SMOC1: variants seen among roughly 807,000 people sequenced by gnomAD.
SMOC1 encodes SPARC-related modular calcium-binding protein 1.
A neutral mutation model predicts 56.3 loss-of-function variants in SMOC1; 22 were observed. The ratio of observed to expected loss-of-function variants is 0.39; its 90% CI spans 0.28 to 0.56. The LOEUF is 0.56. Among genes scored for constraint, SMOC1 ranks in the 20% least tolerant of loss-of-function variants. The pLI is 0.61. For missense variants in SMOC1, 509 were observed against 565.4 expected, an observed-to-expected ratio of 0.90 and a Z score of 1.01; for synonymous variants, 193 against 215.0, an observed-to-expected ratio of 0.90 and a Z score of 0.89.
At chr14:69,965,704 G>C (rs1164543484) in intron 3 of SMOC1, among the ~76,000 whole-genome samples, 1 of 152,106 alleles carries the variant, frequency 6.6e-6, no homozygotes, top group Non-Finnish European at 1.5e-5. Context: ...ATTGGGAAGG[G>C]GGTTCAATTG....
intron 1 of SMOC1, among the ~76,000 whole-genome samples, chr14:69,925,380 T>G (rs1314983): frequency 6.6e-6 from 1 of 151,796 alleles, no homozygotes; most frequent in African/African-American, 2.4e-5. Context: ...GGAACCATGA[T>G]TGTCCCTAGA....
chr14:69,985,782 A>G (rs1884343445), intron 5 of SMOC1, among the ~76,000 whole-genome samples: 1 of 152,150 alleles, frequency 6.6e-6, no homozygotes, highest in Non-Finnish European at 1.5e-5. Context: ...ATGAAGAAGG[A>G]TGAATACAGT....
rs867474466 is a variant in SMOC1 at position 69,894,106 on chromosome 14, T to A, written c.99+14329T>A. 2.6e-5 allele frequency among the ~76,000 whole-genome samples: 4 copies of A among 152,356 alleles called. No individual in the cohort carries two copies. The Middle Eastern group carries it at 0.014, about 518-fold the overall frequency. On this transcript the variant is annotated intron_variant, in intron 1 of 11. Transcript: ENST00000361956. Reference sequence around the variant, plus strand: ...AAGCTACTCAGTCTGTGGTATTTTGTTATGGCAGCCCTAGCAAACTAATAC... The same window carrying A: ...AAGCTACTCAGTCTGTGGTATTTTGATATGGCAGCCCTAGCAAACTAATAC...
intron 5 of SMOC1, among the ~76,000 whole-genome samples, chr14:69,980,487 T>C (rs1212211882): frequency 6.6e-6 from 1 of 152,224 alleles, no homozygotes; most frequent in Admixed American, 6.5e-5. Flanking sequence ...GATCCTCTTC[T>C]CTTTGTCTGC....
At chr14:69,996,215 C>T (rs1259149593) in intron 7 of SMOC1, among the ~76,000 whole-genome samples, 1 of 152,222 alleles carries the variant, frequency 6.6e-6, no homozygotes, top group Non-Finnish European at 1.5e-5. Context: ...AGATCATCAT[C>T]ATCATCATCA....
chr14:69,964,229 C>A (rs1290159782), intron 3 of SMOC1, among the ~76,000 whole-genome samples: 1 of 151,940 alleles, frequency 6.6e-6, no homozygotes, highest in East Asian at 1.9e-4. Flanking sequence ...AAGGAGTGAG[C>A]TCTGGGCGGT....
intron 7 of SMOC1, among the ~76,000 whole-genome samples, chr14:70,007,995 A>G (rs985815356): frequency 1.3e-5 from 2 of 152,236 alleles, no homozygotes; most frequent in Non-Finnish European, 2.9e-5. Flanking sequence ...AGATACTGTA[A>G]TGAAGTAGTA....
intron 7 of SMOC1, among the ~76,000 whole-genome samples, chr14:70,002,320 G>C (rs888429639): frequency 6.6e-6 from 1 of 152,222 alleles, no homozygotes. Context: ...GCCAACAGAA[G>C]TGTGACTTTA....
intron 1 of SMOC1, among the ~76,000 whole-genome samples, chr14:69,903,704 G>A (rs4902766): frequency 0.67 from 101,694 of 151,830 alleles, 38,746 homozygotes; most frequent in East Asian, 0.91. Flanking sequence ...CTTGAAGGCA[G>A]CATGCTCGTT....
At chr14:69,972,950 GTCC>G in intron 3 of SMOC1, among the ~76,000 whole-genome samples, 1 of 152,352 alleles carries the variant, frequency 6.6e-6, no homozygotes, top group South Asian at 2.1e-4. Context: ...TGAGGGCACA[GTCC>G]TCATGGAGAC....
chr14:69,947,868 T>G (rs1019759009), intron 1 of SMOC1, among the ~76,000 whole-genome samples: 2 of 152,222 alleles, frequency 1.3e-5, no homozygotes, highest in Non-Finnish European at 2.9e-5. Flanking sequence ...TCCATCATGG[T>G]GAGAAGTTCT....
rs185719198 is a variant in SMOC1 at position 69,976,422 on chromosome 14, C to T, written c.478+608C>T. Among the ~76,000 whole-genome samples the T allele has an allele frequency of 2.7e-4, 41 of 152,268 alleles. No homozygotes were observed. The East Asian group carries it at 6.0e-3, about 22-fold the overall frequency. On this transcript the variant is annotated intron_variant, in intron 4 of 11. Transcript: ENST00000361956. ...CTGATCCAGGAGGCCTGGAGGGAGA[C>T]CTGAGGTCTTTGTTTTTATGAAGTC... is the stretch of plus-strand genomic sequence containing the variant.
intron 1 of SMOC1, among the ~76,000 whole-genome samples, chr14:69,914,731 C>T (rs1884639936): frequency 6.6e-6 from 1 of 152,220 alleles, no homozygotes; most frequent in Non-Finnish European, 1.5e-5. Context: ...TGAGACCTTT[C>T]TGACTGTTCT....
At chr14:69,903,470 A>G (rs1237121764) in intron 1 of SMOC1, among the ~76,000 whole-genome samples, 3 of 152,244 alleles carry the variant, frequency 2.0e-5, no homozygotes, top group Non-Finnish European at 4.4e-5. Flanking sequence ...AAAAGGGGGA[A>G]ATGTGGGGAA....
At chr14:69,943,820 T>A (rs545979461) in intron 1 of SMOC1, among the ~76,000 whole-genome samples, 19 of 152,300 alleles carry the variant, frequency 1.2e-4, no homozygotes, top group South Asian at 4.1e-4. Context: ...CTGGTGCCCT[T>A]CTCCTCTTCT....
chr14:69,922,938 T>C (rs1884887845), intron 1 of SMOC1, among the ~76,000 whole-genome samples: 1 of 150,768 alleles, frequency 6.6e-6, no homozygotes, highest in Non-Finnish European at 1.5e-5. Flanking sequence ...CCCTCTTTTT[T>C]TTGTTTTTTT....
Position 69,983,051 on chromosome 14 carries a change from T to C in SMOC1, c.526+5086T>C, listed in dbSNP as rs145268665. Among the ~76,000 whole-genome samples the C allele has an allele frequency of 3.4e-3, 522 of 152,314 alleles. 1 individual carries two copies. Among genetic ancestry groups the C allele is most frequent in the African/African-American group, 0.012 (488 of 41,582 alleles). ...TGCTTGCATGCTCACACATGTACCA[T>C]GTCTCCCTCCTTCCCATAGCTAACT... On this transcript the variant is annotated intron_variant, in intron 5 of 11. Coordinates refer to ENST00000361956, the MANE Select transcript of SMOC1 (RefSeq NM_001034852.3).
Position 69,896,650 on chromosome 14 carries a change from T to G in SMOC1, c.99+16873T>G, listed in dbSNP as rs576351057. ...GGTTTTATTCCCTTTTGTTTATAAA[T>G]AAAGCTCATTTTTTGTGTGCAATAA... On this transcript the variant is annotated intron_variant, in intron 1 of 11. Transcript: ENST00000361956. Among the ~76,000 whole-genome samples, 15 of 152,336 alleles carry G rather than the reference T, an allele frequency of 9.8e-5. No individual in the cohort carries two copies. The South Asian group carries it at 3.1e-3, about 32-fold the overall frequency.
At chr14:70,023,804 G>GGT (rs907748752) in intron 11 of SMOC1, among the ~76,000 whole-genome samples, 14 of 149,452 alleles carry the variant, frequency 9.4e-5, no homozygotes, top group African/African-American at 2.2e-4. Flanking sequence ...CAGGTTGTAG[G>GGT]GTGTGTGTGT....
Sources: allele counts gnomAD v4.1 joint callset (sites outside exome capture counted in the v4.1 genomes callset), GRCh38; gene constraint gnomAD v4.1.1; transcripts MANE v1.5; gene names NCBI Gene and HGNC (gene_info 2026-07-23, HGNC 2026-07-21).